Variants in NAT10 observed in about 807,000 individuals in gnomAD.
The protein encoded by NAT10 is N-acetyltransferase 10, also known as RNA cytidine acetyltransferase.
NAT10 carries 109 observed loss-of-function variants against 132.2 expected under a neutral mutation model. The ratio of observed to expected loss-of-function variants is 0.82; its 90% CI spans 0.71 to 0.97. The LOEUF is 0.97. Ranked by LOEUF, NAT10 falls within the 50% of genes least tolerant of loss-of-function variation. The probability of loss-of-function intolerance (pLI) is 0.00; values close to 1 mark genes in which losing one functional copy is unlikely to be tolerated. For missense variants in NAT10, 1,184 were observed against 1,263.4 expected (o/e 0.94, Z 0.95); for synonymous variants, 479 against 478.0 (o/e 1.00, Z -0.03).
chr11:34,106,710 G>C (rs79242699), intron 1 of NAT10, among the ~76,000 whole-genome samples: 2,574 of 152,284 alleles, frequency 0.017, 51 homozygotes, highest in African/African-American at 0.059. Flanking sequence ...AATTCTGTCT[G>C]TCGTTTTTCT....
At chr11:34,126,348 C>T (rs1053714274) in intron 11 of NAT10, among the ~76,000 whole-genome samples, 3 of 152,174 alleles carry the variant, frequency 2.0e-5, no homozygotes, top group Non-Finnish European at 4.4e-5. Flanking sequence ...ACGTAATTAT[C>T]TGTCCATAAG....
Position 34,127,507 on chromosome 11 carries a change from A to T in NAT10, c.1152A>T (p.Leu384=). The T allele has an allele frequency of 6.2e-7, 1 of 1,614,128 alleles. No individual in the cohort carries two copies. The highest frequency in any genetic ancestry group is 8.5e-7 in the Non-Finnish European group (1 of 1,179,970). ...CTGTGAAGCTGGGCCAGGCTGAACT[A>T]GTTGTGATTGATGAAGCTGCCGCCA... is the stretch of plus-strand genomic sequence containing the variant. ...ADAVKLGQAE[L]VVIDEAAAIP... Residue 384 remains leucine, a synonymous_variant, in exon 12 of 29, where the codon CTA becomes CTT. Coordinates refer to ENST00000257829, the MANE Select transcript of NAT10 (RefSeq NM_024662.3).
At chr11:34,108,939 G>A (rs1261176232) in intron 3 of NAT10, 106 bp downstream of exon 3, 1 of 920,816 alleles carries the variant, frequency 1.1e-6, no homozygotes, top group Non-Finnish European at 1.6e-6. Context: ...TTTAGTGGAG[G>A]TGCTATCTCT....
chr11:34,139,614 A>G, intron 23 of NAT10, 119 bp downstream of exon 23: 1 of 846,232 alleles, frequency 1.2e-6, no homozygotes, highest in Non-Finnish European at 1.9e-6. Context: ...GCCTGCAGTC[A>G]CTCGCTGGTC....
At chr11:34,108,702 T>C (rs751471260) in intron 2 of NAT10, 40 bp from the exon 3 acceptor site, 1 of 1,575,256 alleles carries the variant, frequency 6.3e-7, no homozygotes, top group East Asian at 2.2e-5. Context: ...CTCTAAAGTC[T>C]CTTTTGTGCC....
intron 23 of NAT10, 60 bp from the exon 24 acceptor site, chr11:34,140,340 G>A (rs2132980256): frequency 6.6e-7 from 1 of 1,524,442 alleles, no homozygotes; most frequent in East Asian, 2.3e-5. Context: ...TGGGGGCTGT[G>A]TGCTATCTCA....
intron 5 of NAT10, among the ~76,000 whole-genome samples, chr11:34,114,624 C>T (rs1851753916): frequency 6.6e-6 from 1 of 152,194 alleles, no homozygotes; most frequent in African/African-American, 2.4e-5. Context: ...AGGGCCTCGG[C>T]ACTTGCTGTT....
chr11:34,145,412 C>A (rs1333509382), intron 28 of NAT10, among the ~76,000 whole-genome samples: 1 of 152,182 alleles, frequency 6.6e-6, no homozygotes, highest in Non-Finnish European at 1.5e-5. Flanking sequence ...GGTCTCTGGA[C>A]TGAACTCTTC....
intron 24 of NAT10, 36 bp from the exon 25 acceptor site, chr11:34,141,053 C>G (rs1402921963): frequency 6.2e-7 from 1 of 1,613,624 alleles, no homozygotes; most frequent in Admixed American, 1.7e-5. Flanking sequence ...AAGGGCGTGT[C>G]CTAGAGGCCC....
chr11:34,135,266 A>T lies in NAT10; in HGVS notation c.2003A>T (p.Gln668Leu), dbSNP rs1250426667. The T allele has an allele frequency of 6.2e-7, 1 of 1,614,036 alleles. No individual in the cohort carries two copies. The highest frequency in any genetic ancestry group is 1.3e-5 in the African/African-American group (1 of 74,920). ...CLEEKVLETP[Q>L]EIHTVSSEAV... ...GAGGAAAAGGTCCTTGAGACACCAC[A>T]GGAAATTCACACCGTAAGCAGCGAG... Residue 668 changes from glutamine (Q) to leucine (L), a missense_variant, in exon 19 of 29, where the codon CAG becomes CTG. By Grantham distance (113) the Gln-to-Leu change is moderately radical. Transcript: ENST00000257829.
At chr11:34,119,741 G>A (rs1052189726) in intron 8 of NAT10, among the ~76,000 whole-genome samples, 2 of 152,192 alleles carry the variant, frequency 1.3e-5, no homozygotes, top group Admixed American at 6.5e-5. Context: ...AATTAAATGC[G>A]AAGGGGTCAT....
At chr11:34,111,602 G>A (rs561105898) in intron 3 of NAT10, among the ~76,000 whole-genome samples, 3 of 152,158 alleles carry the variant, frequency 2.0e-5, no homozygotes, top group East Asian at 1.9e-4. Context: ...CCACATTCTC[G>A]GGGAGGAAGT....
chr11:34,117,798 G>A (rs900841714), intron 6 of NAT10, among the ~76,000 whole-genome samples: 33 of 151,716 alleles, frequency 2.2e-4, no homozygotes, highest in African/African-American at 8.0e-4. Flanking sequence ...TTCCCTGTGT[G>A]ACTGGTGATC....
At position 34,115,887 on chromosome 11, in the gene NAT10, A is replaced by G; in HGVS notation, c.557+3A>G. ...GTGGTGGGAAGATTTAATGAAAGGT[A>G]ATTCTATAGTTCCCCCCAATTGTGG... is the stretch of plus-strand genomic sequence containing the variant. On this transcript the variant is annotated splice_donor_region_variant and intron_variant, in intron 6 of 28. Coordinates refer to ENST00000257829, the MANE Select transcript of NAT10 (RefSeq NM_024662.3). 1.2e-6 allele frequency: 2 copies of G among 1,614,062 alleles called. No individual in the cohort carries two copies. Among genetic ancestry groups the G allele is most frequent in the Non-Finnish European group, 1.7e-6 (2 of 1,179,946 alleles).
At position 34,115,848 on chromosome 11, in the gene NAT10, AGGCC is replaced by A. The variant is rs1170086188; in HGVS notation, c.522_525del (p.Glu174AspfsTer61). 6.2e-7 allele frequency: 1 copy of A among 1,614,016 alleles called. No individual in the cohort carries two copies. The highest frequency in any genetic ancestry group is 1.3e-5 in the African/African-American group (1 of 74,946). On this transcript the variant is annotated frameshift_variant, in exon 6 of 29. Transcript: ENST00000257829. LOFTEE classifies it high-confidence loss of function. ...GATGTGCATTCCAGGTACAGAACTG[AGGCC>A]CATCAGGATGTGGTGGGAAGATTTA...
rs1378201300 is a variant in NAT10 at position 34,146,321 on chromosome 11, T to G, written c.*129T>G. ...CTGGAAGCTGGCCGCGAATTCGGCC[T>G]CTGGGCCTGTGTGTCTGTGAGCTCA... On this transcript the variant is annotated 3_prime_UTR_variant, in exon 29 of 29. Coordinates refer to ENST00000257829, the MANE Select transcript of NAT10 (RefSeq NM_024662.3). 3 of 650,830 alleles carry G rather than the reference T, an allele frequency of 4.6e-6. No individual in the cohort carries two copies. 40.3% of individuals were successfully genotyped at this position (650,830 alleles called of 1,614,324 possible).
intron 14 of NAT10, 66 bp from the exon 15 acceptor site, chr11:34,132,059 T>A: frequency 8.2e-7 from 1 of 1,214,730 alleles, no homozygotes; most frequent in East Asian, 2.3e-5. Context: ...TTGTTCTGCC[T>A]CCAGAGAGTA....
intron 3 of NAT10, among the ~76,000 whole-genome samples, chr11:34,111,273 A>C (rs1207177544): frequency 6.6e-6 from 1 of 152,222 alleles, no homozygotes; most frequent in Non-Finnish European, 1.5e-5. Context: ...TTAAGGCCTG[A>C]GCCAGAAGGG....
At chr11:34,120,593 C>G (rs1851875915) in intron 8 of NAT10, among the ~76,000 whole-genome samples, 1 of 152,208 alleles carries the variant, frequency 6.6e-6, no homozygotes, top group African/African-American at 2.4e-5. Context: ...GTTAGTGGCT[C>G]CTGTCCTTCA....
Sources: gnomAD v4.1 joint callset for allele counts (sites outside exome capture counted in the v4.1 genomes callset) on GRCh38, gnomAD v4.1.1 for gene constraint, MANE v1.5 for transcripts, NCBI Gene and HGNC (gene_info 2026-07-23, HGNC 2026-07-21) for gene names.